Variants in CFL2 observed in about 807,000 individuals in gnomAD.
The protein encoded by CFL2 is cofilin-2.
A neutral mutation model predicts 19.6 loss-of-function variants in CFL2; 10 were observed. The observed-to-expected ratio is 0.51, with a 90% confidence interval of 0.31 to 0.86. The LOEUF is 0.86. CFL2 is among the 40% of genes least tolerant of loss of function. The pLI, the probability that CFL2 is intolerant of heterozygous loss-of-function variation, is 0.04. For missense variants in CFL2, 125 were observed against 192.1 expected, an observed-to-expected ratio of 0.65 and a Z score of 2.06; for synonymous variants, 63 against 66.7, an observed-to-expected ratio of 0.95 and a Z score of 0.27.
intron 1 of CFL2, 34 bp from the exon 2 acceptor site, chr14:34,713,595 C>T (rs774571512): frequency 2.5e-6 from 4 of 1,613,470 alleles, no homozygotes; most frequent in African/African-American, 2.7e-5. Flanking sequence ...ATTCAGAACA[C>T]GTATTTTGGT....
rs989912695 is a variant in CFL2 at position 34,710,310 on chromosome 14, T to C, written c.*2555A>G. ...ACTCAGTTTTTAAAGAAAATTGTTATTGATAAATGAGAAAGTATTACCAAC... is the reference window on the plus strand; with the variant it reads ...ACTCAGTTTTTAAAGAAAATTGTTACTGATAAATGAGAAAGTATTACCAAC... On this transcript the variant is annotated 3_prime_UTR_variant, in exon 4 of 4. Transcript: ENST00000298159. The C allele has an allele frequency of 1.3e-5, 3 of 236,366 alleles. No individual in the cohort carries two copies. Among genetic ancestry groups the C allele is most frequent in the Admixed American group, 5.3e-5 (1 of 19,008 alleles). The allele number at this position is 236,366 out of a possible 1,614,324, so 14.6% of individuals were successfully genotyped here.
At chr14:34,713,700 C>A in intron 1 of CFL2, 139 bp from the exon 2 acceptor site, 1 of 1,612,722 alleles carries the variant, frequency 6.2e-7, no homozygotes, top group Non-Finnish European at 8.5e-7. Context: ...TCAGATTTGT[C>A]ACATTTTAAG....
rs908327080 is a variant in CFL2 at position 34,714,324 on chromosome 14, C to T, written c.3+214G>A. The T allele has an allele frequency of 7.2e-5, 54 of 752,448 alleles. No individual in the cohort carries two copies. The East Asian group carries it at 1.9e-3, about 26-fold the overall frequency. The allele number at this position is 752,448 out of a possible 1,614,324, so 46.6% of individuals were successfully genotyped here. A position where few individuals can be genotyped will look rare whatever the true frequency, so the allele number is the denominator to read the frequency against. On this transcript the variant is annotated intron_variant, in intron 1 of 3. Coordinates refer to ENST00000298159, the MANE Select transcript of CFL2 (RefSeq NM_138638.5). ...CCCGACCCCCAACCTGCGCCGACGCCCGGGCCCTCCCCGCCCCCCAAAATC... is the reference window on the plus strand; with the variant it reads ...CCCGACCCCCAACCTGCGCCGACGCTCGGGCCCTCCCCGCCCCCCAAAATC...
In CFL2 at chr14:34,711,015, G is replaced by A; in HGVS notation, c.*1850C>T. On this transcript the variant is annotated 3_prime_UTR_variant, in exon 4 of 4. Coordinates refer to ENST00000298159, the MANE Select transcript of CFL2 (RefSeq NM_138638.5). ...GGATAACTCACAGGGACAGCTGGAA[G>A]CCTGAAATAAAATTGCTCAGTGCAA... 1 of 454,068 alleles carries A rather than the reference G, an allele frequency of 2.2e-6. No homozygotes were observed. Among genetic ancestry groups the A allele is most frequent in the Non-Finnish European group, 4.4e-6 (1 of 226,796 alleles). The allele number at this position is 454,068 out of a possible 1,614,324, so 28.1% of individuals were successfully genotyped here.
rs777182121 is a variant in CFL2 at position 34,711,394 on chromosome 14, A to AAATTGAT, written c.*1470_*1471insATCAATT. 9.0e-5 allele frequency: 41 copies of AAATTGAT among 454,456 alleles called. No individual in the cohort carries two copies. The highest frequency in any genetic ancestry group is 2.6e-5 in the Non-Finnish European group (6 of 226,806). 28.2% of individuals were successfully genotyped at this position (454,456 alleles called of 1,614,324 possible). A position where few individuals can be genotyped will look rare whatever the true frequency, so the allele number is the denominator to read the frequency against. Reference sequence around the variant, plus strand: ...CCCTGGCTAACAGCAAACCGCTCACACTGAGCAGATCAAATTCTCTATAAG... The same window carrying AAATTGAT: ...CCCTGGCTAACAGCAAACCGCTCACAAATTGATCTGAGCAGATCAAATTCTCTATAAG... On this transcript the variant is annotated 3_prime_UTR_variant, in exon 4 of 4. Coordinates refer to ENST00000298159, the MANE Select transcript of CFL2 (RefSeq NM_138638.5).
Position 34,710,218 on chromosome 14 carries a change from T to C in CFL2, c.*2647A>G. 5.1e-6 allele frequency: 1 copy of C among 196,056 alleles called. No homozygotes were observed. Among genetic ancestry groups the C allele is most frequent in the South Asian group, 8.6e-5 (1 of 11,654 alleles). 12.1% of individuals were successfully genotyped at this position (196,056 alleles called of 1,614,324 possible). ...GATAATGATGGAAAACAACAGCTGA[T>C]AGCCAGTTTGGGACACATGCCAACT... On this transcript the variant is annotated 3_prime_UTR_variant, in exon 4 of 4. Coordinates refer to ENST00000298159, the MANE Select transcript of CFL2 (RefSeq NM_138638.5).
Position 34,712,471 on chromosome 14 carries a change from A to G in CFL2, c.*394T>C. On this transcript the variant is annotated 3_prime_UTR_variant, in exon 4 of 4. Coordinates refer to ENST00000298159, the MANE Select transcript of CFL2 (RefSeq NM_138638.5). ...ACAGAACTGCAATCAAGTGCCAACT[A>G]TAAATAATACTGAAAAAAGTTGACC... The G allele has an allele frequency of 2.2e-6, 1 of 457,400 alleles. No individual in the cohort carries two copies. Among genetic ancestry groups the G allele is most frequent in the Non-Finnish European group, 4.4e-6 (1 of 228,786 alleles). 28.3% of individuals were successfully genotyped at this position (457,400 alleles called of 1,614,324 possible).
At position 34,711,035 on chromosome 14, in the gene CFL2, G is replaced by C. The variant is rs764397306; in HGVS notation, c.*1830C>G. 19 of 453,916 alleles carry C rather than the reference G, an allele frequency of 4.2e-5. No homozygotes were observed. The highest frequency in any genetic ancestry group is 6.9e-5 in the East Asian group (1 of 14,414). The allele number at this position is 453,916 out of a possible 1,614,324, so 28.1% of individuals were successfully genotyped here. On this transcript the variant is annotated 3_prime_UTR_variant, in exon 4 of 4. Transcript: ENST00000298159. ...TGGAAGCCTGAAATAAAATTGCTCA[G>C]TGCAAAAAGATCCCAAACCATTCAT...
Position 34,711,898 on chromosome 14 carries a change from T to C in CFL2, c.*967A>G, listed in dbSNP as rs1465017522. On this transcript the variant is annotated 3_prime_UTR_variant, in exon 4 of 4. Transcript: ENST00000298159. ...TGGAAAATATCACACATGAATGCTG[T>C]ACAAAAAAAATTCTCAAATGACCAG... The C allele has an allele frequency of 6.6e-6, 3 of 454,160 alleles. No homozygotes were observed. Among genetic ancestry groups the C allele is most frequent in the East Asian group, 1.4e-4 (2 of 14,412 alleles). The allele number at this position is 454,160 out of a possible 1,614,324, so 28.1% of individuals were successfully genotyped here.
Position 34,712,746 on chromosome 14 carries a change from T to C in CFL2, c.*119A>G, listed in dbSNP as rs1885347385. On this transcript the variant is annotated 3_prime_UTR_variant, in exon 4 of 4. Transcript: ENST00000298159. ...ATGATATTTCCTTCATTCATTGTGT[T>C]GGAAGGGCCCAGTGGAAAGGGGGAA... 5 of 735,264 alleles carry C rather than the reference T, an allele frequency of 6.8e-6. No individual in the cohort carries two copies. The highest frequency in any genetic ancestry group is 1.0e-5 in the Non-Finnish European group (4 of 395,396). 45.5% of individuals were successfully genotyped at this position (735,264 alleles called of 1,614,324 possible).
rs1314627330 is a variant in CFL2, at chr14:34,709,256, A to C, written c.*3609T>G. 1 of 152,174 alleles carries C rather than the reference A, an allele frequency of 6.6e-6. No individual in the cohort carries two copies. Among genetic ancestry groups the C allele is most frequent in the East Asian group, 1.9e-4 (1 of 5,200 alleles). 9.4% of individuals were successfully genotyped at this position (152,174 alleles called of 1,614,324 possible). A position where few individuals can be genotyped will look rare whatever the true frequency, so the allele number is the denominator to read the frequency against. On this transcript the variant is annotated 3_prime_UTR_variant, in exon 4 of 4. Transcript: ENST00000298159. Reference sequence around the variant, plus strand: ...ATATTTAGTACTCAGGAAACATGGTAAACAGATATTACCGTTCCCATACTA... The same window carrying C: ...ATATTTAGTACTCAGGAAACATGGTCAACAGATATTACCGTTCCCATACTA...
At chr14:34,713,970 C>T (rs1885408949) in intron 1 of CFL2, 3 of 689,652 alleles carry the variant, frequency 4.4e-6, no homozygotes, top group Non-Finnish European at 6.9e-6. Flanking sequence ...GTCATCCTAG[C>T]CACTGACGTT....
In CFL2 at chr14:34,712,291, G is replaced by C. The variant is rs566518938; in HGVS notation, c.*574C>G. ...AATGAACACTGAGGTACTAGGATAA[G>C]TTGATGACACAGTTAACAAAACTTA... On this transcript the variant is annotated 3_prime_UTR_variant, in exon 4 of 4. Coordinates refer to ENST00000298159, the MANE Select transcript of CFL2 (RefSeq NM_138638.5). 4.4e-6 allele frequency: 2 copies of C among 454,536 alleles called. No homozygotes were observed. Among genetic ancestry groups the C allele is most frequent in the Admixed American group, 2.3e-5 (1 of 42,580 alleles). The allele number at this position is 454,536 out of a possible 1,614,324, so 28.2% of individuals were successfully genotyped here. A position where few individuals can be genotyped will look rare whatever the true frequency, so the allele number is the denominator to read the frequency against.
At chr14:34,713,997 G>A (rs1885409509) in intron 1 of CFL2, among the ~76,000 whole-genome samples, 1 of 152,170 alleles carries the variant, frequency 6.6e-6, no homozygotes, top group African/African-American at 2.4e-5. Context: ...TAAGGAAAGA[G>A]AATCAAGTGT....
At chr14:34,713,670 G>A (rs1410019944) in intron 1 of CFL2, 109 bp from the exon 2 acceptor site, 4 of 1,613,216 alleles carry the variant, frequency 2.5e-6, no homozygotes, top group African/African-American at 2.7e-5. Flanking sequence ...AAATTGCACC[G>A]TACCATGTAA....
chr14:34,713,291 T>C lies in CFL2; in HGVS notation c.274A>G (p.Lys92Glu), dbSNP rs777207427. The C allele has an allele frequency of 1.2e-5, 20 of 1,613,208 alleles. No homozygotes were observed. Among genetic ancestry groups the C allele is most frequent in the Non-Finnish European group, 5.9e-6 (7 of 1,179,816 alleles). Residue 92 changes from lysine (K) to glutamate (E), a missense_variant, in exon 2 of 4, where the codon AAA (lysine) becomes GAA (glutamate). Lys to Glu is a moderately conservative substitution (Grantham distance 56). Transcript: ENST00000298159. ...ACTAGGTCTTCTTTCTTAGACTCTT[T>C]TGTTTCGTATGTGGCATCGTACAAA... ...YALYDATYETKESKKEDLVFI... is the reference protein window; with the variant it reads ...YALYDATYETEESKKEDLVFI...
chr14:34,713,441 C>T lies in CFL2; in HGVS notation c.124G>A (p.Asp42Asn), dbSNP rs1189569888. The change falls in exon 2 of 4, where the codon GAT becomes AAT. Residue 42 changes from aspartate (D) to asparagine (N), a missense_variant. Physicochemically the swap from Asp to Asn is conservative, Grantham distance 23. Transcript: ENST00000298159. ...RKKAVLFCLS[D>N]DKRQIIVEEA... ...TCTACAATTATTTGTCTTTTGTCATCGCTTAAACAGAAGAGAACTGCTTTC... is the reference window on the plus strand; with the variant it reads ...TCTACAATTATTTGTCTTTTGTCATTGCTTAAACAGAAGAGAACTGCTTTC... 3 of 1,614,080 alleles carry T rather than the reference C, an allele frequency of 1.9e-6. No homozygotes were observed. The highest frequency in any genetic ancestry group is 2.5e-6 in the Non-Finnish European group (3 of 1,179,978).
chr14:34,714,505 G>A, intron 1 of CFL2, 33 bp downstream of exon 1: 4 of 1,565,468 alleles, frequency 2.6e-6, no homozygotes, highest in African/African-American at 2.8e-5. Flanking sequence ...TTCTCGCCTC[G>A]CCGCGGCCTC....
rs572000174 is a variant in CFL2, at chr14:34,712,245, A to C, written c.*620T>G. ...GCATTAATAACAGCTATTTCTTTTA[A>C]GAAGATATGCAGGTAACAGGAATGA... On this transcript the variant is annotated 3_prime_UTR_variant, in exon 4 of 4. Transcript: ENST00000298159. 6.6e-6 allele frequency: 3 copies of C among 454,584 alleles called. No homozygotes were observed. Among genetic ancestry groups the C allele is most frequent in the South Asian group, 4.7e-5 (3 of 64,482 alleles). 28.2% of individuals were successfully genotyped at this position (454,584 alleles called of 1,614,324 possible).
Sources: allele counts gnomAD v4.1 joint callset (sites outside exome capture counted in the v4.1 genomes callset), GRCh38; gene constraint gnomAD v4.1.1; transcripts MANE v1.5; gene names NCBI Gene and HGNC (gene_info 2026-07-23, HGNC 2026-07-21).